SMIM41: variants seen among roughly 807,000 people sequenced by gnomAD.
SMIM41 encodes small integral membrane protein 41.
intron 1 of SMIM41, among the ~76,000 whole-genome samples, chr12:52,080,810 G>C (rs1448022125): frequency 6.6e-6 from 1 of 152,154 alleles, no homozygotes; most frequent in African/African-American, 2.4e-5. Context: ...CCAGGGGCCT[G>C]GGTGGCCCTG....
In SMIM41 at chr12:52,088,720, A is replaced by G. The variant is rs114929299; in HGVS notation, c.*195+4752A>G. ...CACCCATCCTCCACACTGTTGTCAG[A>G]GTCGTCTTCAGCAGAGGCGCGTTCT... On this transcript the variant is annotated intron_variant, in intron 2 of 2. Coordinates refer to ENST00000546390, the MANE Select transcript of SMIM41 (RefSeq NM_001369216.1). Among the ~76,000 whole-genome samples, 244 of 152,218 alleles carry G rather than the reference A, an allele frequency of 1.6e-3. 2 individuals carry two copies. Among genetic ancestry groups the G allele is most frequent in the African/African-American group, 5.7e-3 (236 of 41,536 alleles).
At chr12:52,083,277 T>G (rs895508054) in intron 1 of SMIM41, among the ~76,000 whole-genome samples, 1 of 152,130 alleles carries the variant, frequency 6.6e-6, no homozygotes, top group Non-Finnish European at 1.5e-5. Context: ...AGTCAGTGCC[T>G]CTCATTTGCA....
intron 2 of SMIM41, among the ~76,000 whole-genome samples, chr12:52,096,721 G>A (rs994759268): frequency 1.3e-4 from 19 of 151,110 alleles, no homozygotes; most frequent in African/African-American, 3.9e-4. Context: ...CATTATTATC[G>A]GTAGTGATTT....
intron 2 of SMIM41, among the ~76,000 whole-genome samples, chr12:52,097,655 G>T (rs903899303): frequency 6.6e-6 from 1 of 152,044 alleles, no homozygotes; most frequent in African/African-American, 2.4e-5. Context: ...CTCCTCCACT[G>T]CATACTGGGA....
chr12:52,104,674 G>C (rs7315291), intron 2 of SMIM41, among the ~76,000 whole-genome samples: 5,710 of 107,000 alleles, frequency 0.053, 118 homozygotes, highest in African/African-American at 0.099. Context: ...GGTTATGGTC[G>C]GGGGGGGGCG....
At chr12:52,090,079 GTTTA>G (rs1939972380) in intron 2 of SMIM41, among the ~76,000 whole-genome samples, 2 of 151,982 alleles carry the variant, frequency 1.3e-5, no homozygotes, top group African/African-American at 4.8e-5. Flanking sequence ...TTGTTTGTTT[GTTTA>G]TTTTTGAGAC....
At chr12:52,097,093 T>C (rs1343644049) in intron 2 of SMIM41, among the ~76,000 whole-genome samples, 2 of 152,110 alleles carry the variant, frequency 1.3e-5, no homozygotes, top group Non-Finnish European at 2.9e-5. Flanking sequence ...ATATTGTTCC[T>C]GATGTCCGGG....
chr12:52,102,434 T>C (rs1940235778), intron 2 of SMIM41, among the ~76,000 whole-genome samples: 1 of 152,010 alleles, frequency 6.6e-6, no homozygotes, highest in Non-Finnish European at 1.5e-5. Context: ...GTGAACTGAG[T>C]GAAAAGATAA....
chr12:52,082,609 T>C (rs1389186645), intron 1 of SMIM41, among the ~76,000 whole-genome samples: 1 of 152,078 alleles, frequency 6.6e-6, no homozygotes, highest in East Asian at 1.9e-4. Context: ...ATGTGGGGGA[T>C]GGGTGCAGGT....
chr12:52,089,369 A>G (rs1939944896), intron 2 of SMIM41, among the ~76,000 whole-genome samples: 1 of 152,028 alleles, frequency 6.6e-6, no homozygotes, highest in African/African-American at 2.4e-5. Context: ...TTGAGGTAGG[A>G]GGATCACTTG....
At chr12:52,080,733 G>A (rs938824505) in intron 1 of SMIM41, among the ~76,000 whole-genome samples, 9 of 152,202 alleles carry the variant, frequency 5.9e-5, no homozygotes, top group Admixed American at 2.0e-4. Flanking sequence ...GGGTGCTTGA[G>A]GGAGATTCCT....
At chr12:52,099,371 T>C (rs1335703048) in intron 2 of SMIM41, among the ~76,000 whole-genome samples, 2 of 151,908 alleles carry the variant, frequency 1.3e-5, no homozygotes, top group African/African-American at 4.8e-5. Context: ...TTGGGAGTAA[T>C]ATCATCCTCT....
intron 2 of SMIM41, among the ~76,000 whole-genome samples, chr12:52,088,600 A>G (rs1328448365): frequency 6.6e-6 from 1 of 152,012 alleles, no homozygotes; most frequent in Non-Finnish European, 1.5e-5. Context: ...GTCACCAAAT[A>G]TGGTCCCTTC....
At chr12:52,090,893 C>T (rs920022872) in intron 2 of SMIM41, among the ~76,000 whole-genome samples, 1 of 152,200 alleles carries the variant, frequency 6.6e-6, no homozygotes, top group Non-Finnish European at 1.5e-5. Flanking sequence ...ACCATCCTCT[C>T]AATACACACT....
chr12:52,099,629 C>T (rs574112176), intron 2 of SMIM41, among the ~76,000 whole-genome samples: 12 of 152,146 alleles, frequency 7.9e-5, no homozygotes, highest in African/African-American at 2.7e-4. Context: ...ATCGTTCCCT[C>T]CTTCCCTGGA....
At position 52,107,900 on chromosome 12, in the gene SMIM41, C is replaced by CA; in HGVS notation, c.*717_*718insA. ...GACCTTTCTCAACTCCCCCATCTTG[C>CA]CGTTGTGACACCTTCATCAATAACA... is the stretch of plus-strand genomic sequence containing the variant. On this transcript the variant is annotated 3_prime_UTR_variant, in exon 3 of 3. Transcript: ENST00000546390. 3.4e-6 allele frequency: 1 copy of CA among 298,098 alleles called. No individual in the cohort carries two copies. The highest frequency in any genetic ancestry group is 3.2e-5 in the South Asian group (1 of 31,490). 18.5% of individuals were successfully genotyped at this position (298,098 alleles called of 1,614,324 possible). A position where few individuals can be genotyped will look rare whatever the true frequency, so the allele number is the denominator to read the frequency against.
chr12:52,081,524 C>G lies in SMIM41; in HGVS notation c.*120+1343C>G, dbSNP rs369821310. Among the ~76,000 whole-genome samples the G allele has an allele frequency of 1.9e-4, 29 of 152,164 alleles. No homozygotes were observed. Among genetic ancestry groups the G allele is most frequent in the African/African-American group, 5.1e-4 (21 of 41,516 alleles). ...ACCTCAGGGCCCCCTCAGCTCCCCCCACTCCACCCCCTAGGAGGGAGGGTT... is the reference window on the plus strand; with the variant it reads ...ACCTCAGGGCCCCCTCAGCTCCCCCGACTCCACCCCCTAGGAGGGAGGGTT... On this transcript the variant is annotated intron_variant, in intron 1 of 2. Transcript: ENST00000546390. This position sits in a 1 kb window ranked among gnomAD's most constrained non-coding sequence, Gnocchi z 4.1.
At chr12:52,100,269 G>A (rs183755145) in intron 2 of SMIM41, among the ~76,000 whole-genome samples, 1 of 151,864 alleles carries the variant, frequency 6.6e-6, no homozygotes, top group African/African-American at 2.4e-5. Context: ...TATCCCAGGG[G>A]GGTGTCCACC....
At chr12:52,102,954 C>T (rs1940248829) in intron 2 of SMIM41, among the ~76,000 whole-genome samples, 1 of 152,132 alleles carries the variant, frequency 6.6e-6, no homozygotes. Flanking sequence ...GGGAAGCAAC[C>T]CAAGGGTTCG....
Sources: allele counts gnomAD v4.1 joint callset (sites outside exome capture counted in the v4.1 genomes callset), GRCh38; gene constraint gnomAD v4.1.1; non-coding constraint Gnocchi (gnomAD v3.1); transcripts MANE v1.5; gene names NCBI Gene and HGNC (gene_info 2026-07-23, HGNC 2026-07-21).